Variants in PELI2 observed in about 807,000 individuals in gnomAD.
PELI2 encodes E3 ubiquitin-protein ligase pellino homolog 2.
Under a neutral mutation model 42.3 loss-of-function variants are expected in PELI2, and 23 were observed. That is an observed-to-expected ratio of 0.54 (90% CI 0.39 to 0.77). PELI2 has a LOEUF of 0.77. PELI2 is among the 30% of genes least tolerant of loss of function. The pLI is 0.00. For synonymous variants in PELI2, 245 were observed against 212.2 expected (o/e 1.15, Z -1.34); for missense variants, 463 against 553.2 (o/e 0.84, Z 1.64).
intron 1 of PELI2, among the ~76,000 whole-genome samples, chr14:56,130,318 G>A (rs1395311422): frequency 1.3e-5 from 2 of 152,210 alleles, no homozygotes; most frequent in Non-Finnish European, 2.9e-5. Context: ...GAGTCGTGAT[G>A]CTTGAGAAGC....
At chr14:56,162,479 C>G (rs182907072) in intron 1 of PELI2, among the ~76,000 whole-genome samples, 46 of 152,224 alleles carry the variant, frequency 3.0e-4, no homozygotes, top group African/African-American at 1.1e-3. Flanking sequence ...TACTCCATTG[C>G]GTATATGTAC....
intron 2 of PELI2, among the ~76,000 whole-genome samples, chr14:56,249,068 C>CGTGAATT (rs1415214235): frequency 6.6e-6 from 1 of 152,026 alleles, no homozygotes; most frequent in Non-Finnish European, 1.5e-5. Flanking sequence ...ATAGTGGTGC[C>CGTGAATT]GTGAATTGGC....
At chr14:56,231,857 G>A (rs1158007025) in intron 2 of PELI2, among the ~76,000 whole-genome samples, 1 of 152,120 alleles carries the variant, frequency 6.6e-6, no homozygotes, top group East Asian at 1.9e-4. Flanking sequence ...TTGATAGACT[G>A]CTAGCAAGAC....
intron 1 of PELI2, among the ~76,000 whole-genome samples, chr14:56,143,611 A>G (rs1883995437): frequency 6.6e-6 from 1 of 152,094 alleles, no homozygotes; most frequent in Admixed American, 6.5e-5. Context: ...CTTCATTTAA[A>G]TATTTATTCA....
At chr14:56,228,409 A>G (rs527622653) in intron 2 of PELI2, among the ~76,000 whole-genome samples, 3 of 152,300 alleles carry the variant, frequency 2.0e-5, no homozygotes, top group East Asian at 1.9e-4. Flanking sequence ...TCTATACTAT[A>G]TATCTATAAA....
intron 1 of PELI2, among the ~76,000 whole-genome samples, chr14:56,129,038 C>T (rs1883384474): frequency 6.6e-6 from 1 of 151,886 alleles, no homozygotes. Context: ...ATATCCAGTG[C>T]CTTTGGAATT....
At chr14:56,274,705 T>C (rs2139862775) in intron 2 of PELI2, among the ~76,000 whole-genome samples, 1 of 152,328 alleles carries the variant, frequency 6.6e-6, no homozygotes, top group Admixed American at 6.5e-5. Context: ...CATCCCTGAA[T>C]GGCAAAGGCT....
At chr14:56,177,897 A>G (rs930027965) in intron 1 of PELI2, among the ~76,000 whole-genome samples, 9 of 152,236 alleles carry the variant, frequency 5.9e-5, no homozygotes, top group African/African-American at 1.9e-4. Flanking sequence ...GACAACATTA[A>G]CATGGTTTGA....
intron 2 of PELI2, among the ~76,000 whole-genome samples, chr14:56,214,077 T>G (rs1436710308): frequency 1.3e-5 from 2 of 152,196 alleles, no homozygotes; most frequent in Non-Finnish European, 2.9e-5. Context: ...GGTCTCGAAC[T>G]CCAGACCTCA....
In PELI2 at chr14:56,149,885, A is replaced by G. The variant is rs950272127; in HGVS notation, c.78-28450A>G. 3.3e-5 allele frequency among the ~76,000 whole-genome samples: 5 copies of G among 152,188 alleles called. No homozygotes were observed. The East Asian group carries it at 7.7e-4, about 23-fold the overall frequency. On this transcript the variant is annotated intron_variant, in intron 1 of 5. Coordinates refer to ENST00000267460, the MANE Select transcript of PELI2 (RefSeq NM_021255.3). ...GTCTTTCCTCCCATGTATATAGAAC[A>G]TGCATTTTTCCTGCCTTCTTCCTTT...
chr14:56,167,412 C>T (rs889318510), intron 1 of PELI2, among the ~76,000 whole-genome samples: 1 of 152,018 alleles, frequency 6.6e-6, no homozygotes, highest in Non-Finnish European at 1.5e-5. Flanking sequence ...ATCCTGTCTT[C>T]AGGCTAACAA....
At chr14:56,162,944 T>C (rs1400562307) in intron 1 of PELI2, among the ~76,000 whole-genome samples, 1 of 127,008 alleles carries the variant, frequency 7.9e-6, no homozygotes, top group Admixed American at 8.5e-5. Flanking sequence ...TTTGATGGGA[T>C]TGTTAGATTT....
rs979518524 is a variant in PELI2 at position 56,297,222 on chromosome 14, C to G, written c.*56C>G. 5.6e-6 allele frequency: 7 copies of G among 1,254,822 alleles called. No individual in the cohort carries two copies. The Admixed American group carries it at 8.4e-5, about 15-fold the overall frequency. The allele number at this position is 1,254,822 out of a possible 1,614,324, so 77.7% of individuals were successfully genotyped here. A position where few individuals can be genotyped will look rare whatever the true frequency, so the allele number is the denominator to read the frequency against. ...ACAGGTTACTGTGAAGATTTTGCCA[C>G]TAACTCTAGATTTTACCTTTTTGTA... On this transcript the variant is annotated 3_prime_UTR_variant, in exon 6 of 6. Transcript: ENST00000267460.
chr14:56,119,258 C>T (rs1882972845), intron 1 of PELI2: 1 of 152,120 alleles, frequency 6.6e-6, no homozygotes, highest in African/African-American at 2.4e-5. Flanking sequence ...GCTTGGGCCG[C>T]CGCGGGCTGT....
chr14:56,169,684 A>T (rs144856346), intron 1 of PELI2, among the ~76,000 whole-genome samples: 100 of 152,262 alleles, frequency 6.6e-4, no homozygotes, highest in African/African-American at 2.3e-3. Context: ...GGTTCTCATG[A>T]AGGTGTTTTT....
In PELI2 at chr14:56,207,864, A is replaced by G. The variant is rs1017787505; in HGVS notation, c.207+29400A>G. On this transcript the variant is annotated intron_variant, in intron 2 of 5. Transcript: ENST00000267460. Reference sequence around the variant, plus strand: ...GTACCTCATTATCTTTGGCTGTCCTAGGGACATGGCCATCATGCCTTCTCT... The same window carrying G: ...GTACCTCATTATCTTTGGCTGTCCTGGGGACATGGCCATCATGCCTTCTCT... 3.3e-5 allele frequency among the ~76,000 whole-genome samples: 5 copies of G among 152,342 alleles called. No individual in the cohort carries two copies. In the South Asian group the frequency reaches 1.0e-3, roughly 32 times the overall value.
At chr14:56,124,195 A>G (rs1045982016) in intron 1 of PELI2, among the ~76,000 whole-genome samples, 7 of 152,238 alleles carry the variant, frequency 4.6e-5, no homozygotes, top group African/African-American at 1.7e-4. Flanking sequence ...CTTTGTCTAA[A>G]TCACCTGTTC....
intron 1 of PELI2, among the ~76,000 whole-genome samples, chr14:56,157,747 A>G (rs964227616): frequency 1.7e-4 from 26 of 152,222 alleles, no homozygotes; most frequent in African/African-American, 6.3e-4. Context: ...AGCATATTCA[A>G]AAAGTTTAAA....
chr14:56,233,852 C>T (rs1346850146), intron 2 of PELI2, among the ~76,000 whole-genome samples: 2 of 152,222 alleles, frequency 1.3e-5, no homozygotes, highest in South Asian at 2.1e-4. Flanking sequence ...TTGCAATCTA[C>T]CCATCTGACA....
Sources: gnomAD v4.1 joint callset for allele counts (sites outside exome capture counted in the v4.1 genomes callset) on GRCh38, gnomAD v4.1.1 for gene constraint, MANE v1.5 for transcripts, NCBI Gene and HGNC (gene_info 2026-07-23, HGNC 2026-07-21) for gene names.